Variants in PRKCE observed in about 807,000 individuals in gnomAD.
The protein encoded by PRKCE is protein kinase C epsilon type.
In PRKCE, 16 loss-of-function variants were observed where a neutral mutation model predicts 85.4. That is an observed-to-expected ratio of 0.19 (90% confidence interval 0.13 to 0.28). The LOEUF (loss-of-function observed/expected upper bound fraction) is 0.28, where lower values mean the gene tolerates loss of function less well. Among genes scored for constraint, PRKCE ranks in the 10% least tolerant of loss-of-function variants. PRKCE has a pLI of 1.00. For synonymous variants in PRKCE, 388 were observed against 371.5 expected (o/e 1.04, Z -0.51); for missense variants, 573 against 975.2 (o/e 0.59, Z 5.49).
At chr2:45,890,942 G>A (rs1695677283) in intron 2 of PRKCE, among the ~76,000 whole-genome samples, 1 of 152,166 alleles carries the variant, frequency 6.6e-6, no homozygotes, top group Non-Finnish European at 1.5e-5. Context: ...TGGAATGTTG[G>A]CTAACAGAAA....
chr2:46,010,349 G>T lies in PRKCE; in HGVS notation c.1269G>T (p.Met423Ile), dbSNP rs371809831. The change falls in exon 10 of 15, where the codon ATG becomes ATT. Residue 423 changes from methionine (M) to isoleucine (I), a missense_variant. Transcript: ENST00000306156. ...AGGCAATTGATTGATTGCAGGTCAT[G>T]TTGGCAGAACTCAAGGGCAAAGATG... ...VLGKGSFGKV[M>I]LAELKGKDEV... The T allele has an allele frequency of 6.9e-6, 11 of 1,592,354 alleles. No homozygotes were observed. The highest frequency in any genetic ancestry group is 9.4e-6 in the Non-Finnish European group (11 of 1,174,512).
intron 10 of PRKCE, among the ~76,000 whole-genome samples, chr2:46,060,167 TG>T (rs956192613): frequency 4.6e-5 from 7 of 152,378 alleles, no homozygotes; most frequent in African/African-American, 1.7e-4. Context: ...GCTTACTAGT[TG>T]GGAGAAGAGT....
chr2:45,742,917 A>T (rs1682698381), intron 1 of PRKCE, among the ~76,000 whole-genome samples: 2 of 152,258 alleles, frequency 1.3e-5, no homozygotes, highest in African/African-American at 2.4e-5. Context: ...GAAGGATTTT[A>T]AAAATGGAAT....
intron 14 of PRKCE, among the ~76,000 whole-genome samples, chr2:46,177,512 C>A (rs1333753027): frequency 1.3e-5 from 2 of 152,158 alleles, no homozygotes; most frequent in Non-Finnish European, 2.9e-5. Flanking sequence ...CTGGCTCGTG[C>A]CACACAGCTT....
Position 45,821,269 on chromosome 2 carries a change from G to A in PRKCE, c.349-21731G>A, listed in dbSNP as rs187864118. Among the ~76,000 whole-genome samples, 486 of 152,298 alleles carry A rather than the reference G, an allele frequency of 3.2e-3. 2 individuals carry two copies. The highest frequency in any genetic ancestry group is 0.011 in the African/African-American group (449 of 41,546). On this transcript the variant is annotated intron_variant, in intron 1 of 14. Coordinates refer to ENST00000306156, the MANE Select transcript of PRKCE (RefSeq NM_005400.3). ...ACTCAACATTGAATATTTACAAGTG[G>A]AGGTAATTATCTCCCCTAAGTTAGA... is the stretch of plus-strand genomic sequence containing the variant.
intron 1 of PRKCE, among the ~76,000 whole-genome samples, chr2:45,660,195 G>A (rs1419519772): frequency 1.3e-5 from 2 of 152,154 alleles, no homozygotes; most frequent in African/African-American, 4.8e-5. Context: ...GAGGAGCATG[G>A]CATCTCGATA....
intron 10 of PRKCE, among the ~76,000 whole-genome samples, chr2:46,069,788 G>A (rs1451621771): frequency 6.6e-6 from 1 of 152,168 alleles, no homozygotes; most frequent in African/African-American, 2.4e-5. Context: ...GCTATAAGAA[G>A]GGCTATAAGA....
chr2:45,863,668 C>A (rs1056095669), intron 2 of PRKCE, among the ~76,000 whole-genome samples: 1 of 152,120 alleles, frequency 6.6e-6, no homozygotes, highest in African/African-American at 2.4e-5. Flanking sequence ...GGAGCTCATT[C>A]TGTTCAGGAT....
chr2:45,656,392 C>T (rs1015266931), intron 1 of PRKCE, among the ~76,000 whole-genome samples: 22 of 152,188 alleles, frequency 1.4e-4, no homozygotes, highest in African/African-American at 3.9e-4. Flanking sequence ...TTCTAGAATG[C>T]GTAAAAGCCA....
chr2:45,802,957 A>G (rs1184095886), intron 1 of PRKCE, among the ~76,000 whole-genome samples: 6 of 152,212 alleles, frequency 3.9e-5, no homozygotes, highest in South Asian at 2.1e-4. Flanking sequence ...CTTTTTACCG[A>G]GGAAGGCCCA....
At position 46,010,391 on chromosome 2, in the gene PRKCE, G is replaced by A. The variant is rs56005919; in HGVS notation, c.1311G>A (p.Lys437=). ...LKGKDEVYAV[K]VLKKDVILQD... is the part of the protein sequence containing the mutation. ...GCAAAGATGAAGTATATGCTGTGAA[G>A]GTCTTAAAGAAGGACGTCATCCTTC... is the stretch of plus-strand genomic sequence containing the variant. The change falls in exon 10 of 15, where the codon AAG becomes AAA. Residue 437 remains lysine, a synonymous_variant. Coordinates refer to ENST00000306156, the MANE Select transcript of PRKCE (RefSeq NM_005400.3). 10,582 of 1,599,602 alleles carry A rather than the reference G, an allele frequency of 6.6e-3. 57 individuals are homozygous for A. The highest frequency in any genetic ancestry group is 8.3e-3 in the Non-Finnish European group (9,815 of 1,179,888).
intron 2 of PRKCE, among the ~76,000 whole-genome samples, chr2:45,974,497 A>C (rs547325861): frequency 6.6e-6 from 1 of 152,308 alleles, no homozygotes; most frequent in African/African-American, 2.4e-5. Context: ...GCCTGTGTTG[A>C]AGATGCAGTC....
At chr2:45,827,335 T>C (rs1039607117) in intron 1 of PRKCE, among the ~76,000 whole-genome samples, 1 of 152,216 alleles carries the variant, frequency 6.6e-6, no homozygotes, top group Admixed American at 6.5e-5. Context: ...GGATAGAAGA[T>C]CATAAATGAA....
intron 2 of PRKCE, among the ~76,000 whole-genome samples, chr2:45,875,316 A>G (rs1267412420): frequency 6.6e-6 from 1 of 152,264 alleles, no homozygotes; most frequent in African/African-American, 2.4e-5. Flanking sequence ...GATCTGTGTT[A>G]GCATTTTCAT....
rs1172923576 is a variant in PRKCE at position 46,122,221 on chromosome 2, G to GTTTGTT, written c.1593-22857_1593-22852dup. 1.5e-3 allele frequency among the ~76,000 whole-genome samples: 235 copies of GTTTGTT among 152,004 alleles called. 2 individuals carry two copies. The highest frequency in any genetic ancestry group is 5.4e-3 in the African/African-American group (222 of 41,484). ...GTCTCTTTATTTGTGTTTTTTGTTT[G>GTTTGTT]TTTGTTTTTGTTTTTGTTTTGTTTT... On this transcript the variant is annotated intron_variant, in intron 11 of 14. Coordinates refer to ENST00000306156, the MANE Select transcript of PRKCE (RefSeq NM_005400.3).
chr2:45,677,789 A>C (rs956992182), intron 1 of PRKCE: 2 of 951,924 alleles, frequency 2.1e-6, no homozygotes, highest in African/African-American at 3.5e-5. Context: ...GCTCTGGCTT[A>C]AAAGGCAATT....
chr2:45,859,199 T>C (rs1692945672), intron 2 of PRKCE, among the ~76,000 whole-genome samples: 1 of 152,148 alleles, frequency 6.6e-6, no homozygotes, highest in Non-Finnish European at 1.5e-5. Context: ...TATTCCATTA[T>C]ATTAATATAT....
At chr2:45,956,338 G>T (rs1246193163) in intron 2 of PRKCE, among the ~76,000 whole-genome samples, 1 of 152,066 alleles carries the variant, frequency 6.6e-6, no homozygotes, top group East Asian at 1.9e-4. Flanking sequence ...ATAAATATCT[G>T]GAAGTAAGAT....
intron 2 of PRKCE, among the ~76,000 whole-genome samples, chr2:45,849,576 C>A (rs967795096): frequency 2.0e-5 from 3 of 152,168 alleles, no homozygotes; most frequent in Admixed American, 6.5e-5. Context: ...ACCTCAAAGC[C>A]AGACACCAGC....
Sources: gnomAD v4.1 joint callset for allele counts (sites outside exome capture counted in the v4.1 genomes callset) on GRCh38, gnomAD v4.1.1 for gene constraint, MANE v1.5 for transcripts, NCBI Gene and HGNC (gene_info 2026-07-23, HGNC 2026-07-21) for gene names.